The following TTC27 variants were observed in gnomAD, a reference collection of about 807,000 sequenced individuals.
TTC27 encodes tetratricopeptide repeat protein 27.
A neutral mutation model predicts 115.9 loss-of-function variants in TTC27; 79 were observed. The observed-to-expected ratio is 0.68, with a 90% CI of 0.57 to 0.82. TTC27 has a LOEUF of 0.82. TTC27 is among the 40% of genes least tolerant of loss of function. The probability of loss-of-function intolerance (pLI) is 0.00; values close to 1 mark genes in which losing one functional copy is unlikely to be tolerated. For synonymous variants in TTC27, 401 were observed against 356.0 expected (o/e 1.13, Z -1.42); for missense variants, 1,054 against 993.1 (o/e 1.06, Z -0.82).
At chr2:32,734,617 G>C (rs1451942565) in intron 11 of TTC27, among the ~76,000 whole-genome samples, 1 of 152,120 alleles carries the variant, frequency 6.6e-6, no homozygotes, top group East Asian at 1.9e-4. Flanking sequence ...TATAGGTGTA[G>C]TTCCCTATTT....
chr2:32,636,588 A>C (rs1486825035), intron 3 of TTC27, among the ~76,000 whole-genome samples: 2 of 152,184 alleles, frequency 1.3e-5, no homozygotes, highest in East Asian at 3.8e-4. Context: ...TGAAGCTCAG[A>C]GTGGTAAAAG....
At chr2:32,748,266 T>C (rs559525370) in intron 12 of TTC27, among the ~76,000 whole-genome samples, 2 of 152,348 alleles carry the variant, frequency 1.3e-5, no homozygotes, top group Admixed American at 1.3e-4. Flanking sequence ...TTATTGATTT[T>C]GAATTTTATC....
At chr2:32,766,459 G>C (rs1416204646) in intron 13 of TTC27, 1 of 444,984 alleles carries the variant, frequency 2.2e-6, no homozygotes, top group East Asian at 7.2e-5. Context: ...CAATATTGTT[G>C]TGTCTTAGGG....
chr2:32,710,427 C>CT (rs10651873), intron 10 of TTC27, among the ~76,000 whole-genome samples: 22,725 of 129,778 alleles, frequency 0.18, 2,672 homozygotes, highest in South Asian at 0.4. Context: ...AAGTATATAG[C>CT]TTTTTTTTTT....
intron 8 of TTC27, among the ~76,000 whole-genome samples, chr2:32,674,440 C>T (rs868238940): frequency 2.4e-4 from 37 of 152,100 alleles, no homozygotes; most frequent in African/African-American, 8.4e-4. Context: ...GGTGAGCCAC[C>T]GTGCCCAGTC....
chr2:32,782,719 A>G, intron 15 of TTC27, 41 bp downstream of exon 15: 2 of 1,497,182 alleles, frequency 1.3e-6, no homozygotes, highest in Non-Finnish European at 1.9e-6. Flanking sequence ...TGCTTCCCAA[A>G]TAAATGAATG....
At chr2:32,643,190 C>T (rs939560569) in intron 4 of TTC27, among the ~76,000 whole-genome samples, 1 of 152,044 alleles carries the variant, frequency 6.6e-6, no homozygotes, top group South Asian at 2.1e-4. Context: ...TATGAGGCTT[C>T]GTCTTTTGAG....
At chr2:32,760,489 C>T (rs1254023698) in intron 13 of TTC27, among the ~76,000 whole-genome samples, 1 of 152,108 alleles carries the variant, frequency 6.6e-6, no homozygotes, top group African/African-American at 2.4e-5. Context: ...ATACACAGCA[C>T]AGCCCCCACA....
At chr2:32,806,335 C>G (rs1302911184) in intron 16 of TTC27, among the ~76,000 whole-genome samples, 1 of 152,072 alleles carries the variant, frequency 6.6e-6, no homozygotes, top group African/African-American at 2.4e-5. Context: ...CAAAGAAATA[C>G]TATCGTAACA....
At chr2:32,755,526 G>C (rs930453402) in intron 12 of TTC27, among the ~76,000 whole-genome samples, 11 of 152,256 alleles carry the variant, frequency 7.2e-5, no homozygotes, top group Admixed American at 2.0e-4. Context: ...GAGCCGAGAT[G>C]GCAGCAGTAC....
At chr2:32,649,009 C>T (rs1464826149) in intron 4 of TTC27, among the ~76,000 whole-genome samples, 1 of 151,858 alleles carries the variant, frequency 6.6e-6, no homozygotes, top group East Asian at 1.9e-4. Flanking sequence ...CAGACCTTGC[C>T]TCAAAAAAAT....
chr2:32,810,559 T>C (rs142605362), intron 16 of TTC27, among the ~76,000 whole-genome samples: 29 of 152,276 alleles, frequency 1.9e-4, no homozygotes, highest in African/African-American at 6.3e-4. Flanking sequence ...CAATTTGAGA[T>C]CTATGTTTCA....
At chr2:32,636,718 T>C (rs1313260690) in intron 3 of TTC27, among the ~76,000 whole-genome samples, 3 of 152,168 alleles carry the variant, frequency 2.0e-5, no homozygotes, top group Non-Finnish European at 2.9e-5. Flanking sequence ...CAAAACAATA[T>C]GGAAATGAGT....
chr2:32,703,884 C>T (rs1044291224), intron 10 of TTC27, among the ~76,000 whole-genome samples: 2 of 152,196 alleles, frequency 1.3e-5, no homozygotes, highest in Admixed American at 6.5e-5. Flanking sequence ...TTCATGTTCT[C>T]ATAGTTGTAA....
intron 17 of TTC27, 108 bp from the exon 18 acceptor site, chr2:32,812,396 G>C: frequency 1.3e-6 from 1 of 797,054 alleles, no homozygotes. Flanking sequence ...GTACAACACA[G>C]ATGCTGCTTT....
rs762071054 is a variant in TTC27, at chr2:32,736,763, G to A, written c.1399G>A (p.Glu467Lys). ...SSALQIFEKL[E>K]MWEDVVICYE... ...AGCCCTTCAGATATTTGAAAAGCTAGAAATGTGGGAAGATGTTGTCATTTG... is the reference window on the plus strand; with the variant it reads ...AGCCCTTCAGATATTTGAAAAGCTAAAAATGTGGGAAGATGTTGTCATTTG... The change falls in exon 12 of 20, where the codon GAA (glutamate) becomes AAA (lysine). Residue 467 changes from glutamate (E) to lysine (K), a missense_variant. By Grantham distance (56) the Glu-to-Lys change is moderately conservative. Coordinates refer to ENST00000317907, the MANE Select transcript of TTC27 (RefSeq NM_017735.5). 1.2e-6 allele frequency: 2 copies of A among 1,613,938 alleles called. No homozygotes were observed. Among genetic ancestry groups the A allele is most frequent in the African/African-American group, 1.3e-5 (1 of 74,922 alleles).
intron 9 of TTC27, among the ~76,000 whole-genome samples, chr2:32,681,216 A>G (rs1188597862): frequency 6.6e-6 from 1 of 152,236 alleles, no homozygotes; most frequent in Non-Finnish European, 1.5e-5. Context: ...TAATTGGAGA[A>G]GTAGGGCAAG....
At chr2:32,633,209 C>T (rs756578457) in intron 2 of TTC27, among the ~76,000 whole-genome samples, 38 of 152,206 alleles carry the variant, frequency 2.5e-4, no homozygotes, top group African/African-American at 7.9e-4. Flanking sequence ...AAATCAACAC[C>T]GTTCAAGATA....
In TTC27 at chr2:32,782,638, T is replaced by G; in HGVS notation, c.1792T>G (p.Trp598Gly). Reference sequence around the variant, plus strand: ...TCTATCATTTCAGAATGCTGAAGCTTGGAACAATTTGTCAACTTCCTATAT... The same window carrying G: ...TCTATCATTTCAGAATGCTGAAGCTGGGAACAATTTGTCAACTTCCTATAT... ...VTLEPDNAEA[W>G]NNLSTSYIRL... The change falls in exon 15 of 20, where the codon TGG (tryptophan) becomes GGG (glycine). Residue 598 changes from tryptophan to glycine, a missense_variant. Physicochemically the swap from Trp to Gly is radical, Grantham distance 184. Coordinates refer to ENST00000317907, the MANE Select transcript of TTC27 (RefSeq NM_017735.5). 1 of 1,612,004 alleles carries G rather than the reference T, an allele frequency of 6.2e-7. No individual in the cohort carries two copies. Among genetic ancestry groups the G allele is most frequent in the Non-Finnish European group, 8.5e-7 (1 of 1,178,716 alleles).
Sources: allele counts gnomAD v4.1 joint callset (sites outside exome capture counted in the v4.1 genomes callset), GRCh38; gene constraint gnomAD v4.1.1; transcripts MANE v1.5; gene names NCBI Gene and HGNC (gene_info 2026-07-23, HGNC 2026-07-21).